The following ENTPD5 variants were observed in gnomAD, a reference collection of about 807,000 sequenced individuals.
ENTPD5 encodes the protein ectonucleoside triphosphate diphosphohydrolase 5 (inactive).
Under a neutral mutation model 60.2 loss-of-function variants are expected in ENTPD5, and 49 were observed. The ratio of observed to expected loss-of-function variants is 0.81; its 90% confidence interval spans 0.65 to 1.03. The LOEUF (loss-of-function observed/expected upper bound fraction) is 1.03. Ranked by LOEUF, ENTPD5 falls within the 50% of genes least tolerant of loss-of-function variation. The pLI, the probability that ENTPD5 is intolerant of heterozygous loss-of-function variation, is 0.00. For missense variants in ENTPD5, 480 were observed against 507.6 expected, an observed-to-expected ratio of 0.95 and a Z score of 0.52; for synonymous variants, 187 against 185.4, an observed-to-expected ratio of 1.01 and a Z score of -0.07.
At chr14:73,998,928 C>T (rs1346538084) in intron 3 of ENTPD5, among the ~76,000 whole-genome samples, 1 of 152,110 alleles carries the variant, frequency 6.6e-6, no homozygotes, top group Non-Finnish European at 1.5e-5. Context: ...TTGGACTTTA[C>T]TCTGCAGGTG....
At chr14:73,979,176 T>C (rs1214977916) in intron 6 of ENTPD5, among the ~76,000 whole-genome samples, 4 of 152,148 alleles carry the variant, frequency 2.6e-5, no homozygotes, top group African/African-American at 9.7e-5. Context: ...TTCATCCCCC[T>C]AAGATCTCTG....
chr14:73,969,156 T>C (rs56741194), intron 15 of ENTPD5, among the ~76,000 whole-genome samples: 9,057 of 152,232 alleles, frequency 0.059, 375 homozygotes, highest in Middle Eastern at 0.11. Flanking sequence ...CCTCTCCAAA[T>C]AGGGCAAGTT....
chr14:73,999,778 C>T (rs1396280932), intron 3 of ENTPD5, among the ~76,000 whole-genome samples: 2 of 150,240 alleles, frequency 1.3e-5, no homozygotes, highest in African/African-American at 4.9e-5. Context: ...GGCAACAGGG[C>T]GAGACTCCGT....
At chr14:73,961,308 C>A (rs559873718), downstream of ENTPD5, 4 of 1,614,196 alleles carry the variant, frequency 2.5e-6, no homozygotes, top group Admixed American at 6.7e-5. Flanking sequence ...TGCCAAAAGC[C>A]GAGTTCTGTT....
At chr14:74,001,370 C>A (rs1336728152) in intron 3 of ENTPD5, among the ~76,000 whole-genome samples, 1 of 151,700 alleles carries the variant, frequency 6.6e-6, no homozygotes, top group Admixed American at 6.6e-5. Flanking sequence ...GGTGTGATGG[C>A]GGGTGCCTAT....
downstream of ENTPD5, chr14:73,959,579 T>G (rs750972131): frequency 2.3e-5 from 37 of 1,612,782 alleles, no homozygotes; most frequent in South Asian, 2.3e-4. Flanking sequence ...CAGAAAGGTG[T>G]TGTTTTTTTT....
chr14:73,977,387 G>GAAAAA lies in ENTPD5; in HGVS notation c.442-18_442-14dup. ...AGATCTCCTTTACCTAGAGAAAAAG[G>GAAAAA]AAAAAAAAAAAAAAAGAATTCCCTA... On this transcript the variant is annotated splice_polypyrimidine_tract_variant and intron_variant, in intron 6 of 15. Transcript: ENST00000334696. 1 of 1,152,368 alleles carries GAAAAA rather than the reference G, an allele frequency of 8.7e-7. No homozygotes were observed. Among genetic ancestry groups the GAAAAA allele is most frequent in the Non-Finnish European group, 1.2e-6 (1 of 822,790 alleles). 71.4% of individuals were successfully genotyped at this position (1,152,368 alleles called of 1,614,324 possible).
intron 1 of ENTPD5, among the ~76,000 whole-genome samples, chr14:74,017,903 C>G (rs539403988): frequency 6.7e-6 from 1 of 148,174 alleles, no homozygotes; most frequent in Non-Finnish European, 1.5e-5. Context: ...AGGTTTACAG[C>G]CGGGGCGGTG....
chr14:73,974,361 G>C (rs1247808474), intron 11 of ENTPD5, among the ~76,000 whole-genome samples: 1 of 152,174 alleles, frequency 6.6e-6, no homozygotes, highest in Non-Finnish European at 1.5e-5. Context: ...AAATATACTT[G>C]AAGATGTTTT....
intron 3 of ENTPD5, among the ~76,000 whole-genome samples, chr14:74,006,504 C>A (rs561813262): frequency 6.6e-6 from 1 of 151,204 alleles, no homozygotes; most frequent in Non-Finnish European, 1.5e-5. Context: ...AGGATGGTCT[C>A]GATCTCCTGA....
intron 10 of ENTPD5, among the ~76,000 whole-genome samples, chr14:73,975,193 ATCAT>A (rs2140508232): frequency 1.3e-5 from 2 of 152,266 alleles, no homozygotes. Context: ...CCCCACAGTT[ATCAT>A]TCAAAGGCCA....
intron 1 of ENTPD5, among the ~76,000 whole-genome samples, chr14:74,018,096 C>G (rs541759871): frequency 2.0e-5 from 3 of 151,204 alleles, no homozygotes; most frequent in African/African-American, 7.3e-5. Context: ...GCAGGAGAAT[C>G]GCTTGAACCA....
Position 73,974,068 on chromosome 14 carries a change from A to G in ENTPD5, c.785-90T>C, listed in dbSNP as rs373755198. 3.3e-5 allele frequency: 34 copies of G among 1,019,682 alleles called. No individual in the cohort carries two copies. The East Asian group carries it at 7.1e-4, about 21-fold the overall frequency. 63.2% of individuals were successfully genotyped at this position (1,019,682 alleles called of 1,614,324 possible). ...GAAGCCAGTGAGGTGGAAAAGAATC[A>G]CCATGGGGGCTGGGCCTTAAAATCC... On this transcript the variant is annotated intron_variant, in intron 11 of 15. Transcript: ENST00000334696.
At chr14:73,960,119 G>C (rs2056644478), downstream of ENTPD5, 1 of 994,202 alleles carries the variant, frequency 1.0e-6, no homozygotes, top group Admixed American at 5.5e-5. Context: ...GAACAGTTCT[G>C]CTAGGTTGCA....
chr14:73,999,520 G>A (rs2058440143), intron 3 of ENTPD5, among the ~76,000 whole-genome samples: 1 of 151,888 alleles, frequency 6.6e-6, no homozygotes, highest in Non-Finnish European at 1.5e-5. Context: ...GGTAGGCCGG[G>A]CACGGTGGCT....
At chr14:73,999,729 T>C (rs1594933338) in intron 3 of ENTPD5, among the ~76,000 whole-genome samples, 1 of 150,718 alleles carries the variant, frequency 6.6e-6, no homozygotes, top group South Asian at 2.1e-4. Flanking sequence ...CAGGCGGAGG[T>C]TGCAGTGAGC....
chr14:73,977,755 T>C (rs184286154), intron 6 of ENTPD5, among the ~76,000 whole-genome samples: 1 of 152,290 alleles, frequency 6.6e-6, no homozygotes, highest in Admixed American at 6.5e-5. Flanking sequence ...TCCCACTCCA[T>C]TCCTTAGATG....
intron 3 of ENTPD5, among the ~76,000 whole-genome samples, chr14:73,990,652 T>C (rs2058092778): frequency 6.6e-6 from 1 of 151,914 alleles, no homozygotes; most frequent in Non-Finnish European, 1.5e-5. Context: ...TGGAAAATAA[T>C]TTTTTAAATG....
At chr14:73,995,861 T>A (rs560084587) in intron 3 of ENTPD5, among the ~76,000 whole-genome samples, 1 of 152,188 alleles carries the variant, frequency 6.6e-6, no homozygotes, top group East Asian at 1.9e-4. Context: ...TTGCTCACTA[T>A]CTCTTATTCA....
Sources: allele counts gnomAD v4.1 joint callset (sites outside exome capture counted in the v4.1 genomes callset), GRCh38; gene constraint gnomAD v4.1.1; transcripts MANE v1.5; gene names NCBI Gene and HGNC (gene_info 2026-07-23, HGNC 2026-07-21).